SRD5A2: variants seen among roughly 807,000 people sequenced by gnomAD.
SRD5A2 encodes steroid 5 alpha-reductase 2.
In SRD5A2, 30 loss-of-function variants were observed where a neutral mutation model predicts 27.4. The ratio of observed to expected loss-of-function variants is 1.10; its 90% CI spans 0.82 to 1.49. The LOEUF (loss-of-function observed/expected upper bound fraction) is 1.49. SRD5A2 is among the 40% of genes most tolerant of loss of function. SRD5A2 has a pLI of 0.00. For synonymous variants in SRD5A2, 141 were observed against 133.6 expected, an observed-to-expected ratio of 1.06 and a Z score of -0.38; for missense variants, 348 against 323.4, an observed-to-expected ratio of 1.08 and a Z score of -0.58.
the SRD5A2 span, among the ~76,000 whole-genome samples, chr2:31,630,979 A>C: frequency 6.6e-6 from 1 of 152,180 alleles, no homozygotes; most frequent in African/African-American, 2.4e-5. Context: ...AGTTAGGAGA[A>C]TTGCCTAATA....
the SRD5A2 span, among the ~76,000 whole-genome samples, chr2:31,633,008 G>A: frequency 1.3e-5 from 2 of 152,170 alleles, no homozygotes; most frequent in East Asian, 1.9e-4. Flanking sequence ...ACCTAAAGAG[G>A]TGGCAGTCTT....
the SRD5A2 span, among the ~76,000 whole-genome samples, chr2:31,601,449 C>G: frequency 6.6e-6 from 1 of 151,812 alleles, no homozygotes; most frequent in Non-Finnish European, 1.5e-5. Flanking sequence ...AAAAAATGCC[C>G]AGGCCAGACA....
chr2:31,525,020 A>AT lies in SRD5A2; in HGVS notation c.*1175dup, dbSNP rs1308307106. 1 of 215,192 alleles carries AT rather than the reference A, an allele frequency of 4.6e-6. No individual in the cohort carries two copies. The highest frequency in any genetic ancestry group is 9.3e-6 in the Non-Finnish European group (1 of 107,016). 13.3% of individuals were successfully genotyped at this position (215,192 alleles called of 1,614,324 possible). A position where few individuals can be genotyped will look rare whatever the true frequency, so the allele number is the denominator to read the frequency against. On this transcript the variant is annotated 3_prime_UTR_variant, in exon 5 of 5. Transcript: ENST00000622030. ...TAGAGTTTTATGAAGGAATCTCCTG[A>AT]TTTTTAAGTTTTTGAAACTTTGTAA...
the SRD5A2 span, among the ~76,000 whole-genome samples, chr2:31,658,741 C>CA: frequency 1.3e-5 from 2 of 151,762 alleles, no homozygotes; most frequent in African/African-American, 4.8e-5. Flanking sequence ...CCTACCAACC[C>CA]AAAAAAAGTT....
chr2:31,537,906 G>A (rs939594211), intron 1 of SRD5A2, among the ~76,000 whole-genome samples: 1 of 152,124 alleles, frequency 6.6e-6, no homozygotes, highest in Non-Finnish European at 1.5e-5. Context: ...TCCTCCACGT[G>A]AGAATACACC....
At chr2:31,626,062 G>C in the SRD5A2 span, among the ~76,000 whole-genome samples, 1 of 152,160 alleles carries the variant, frequency 6.6e-6, no homozygotes, top group Non-Finnish European at 1.5e-5. Flanking sequence ...AGTTCTCCTT[G>C]AAGAAGTTCT....
In SRD5A2 at chr2:31,533,335, A is replaced by T. The variant is rs1255918863; in HGVS notation, c.445+268T>A. 2.6e-5 allele frequency among the ~76,000 whole-genome samples: 4 copies of T among 152,182 alleles called. No individual in the cohort carries two copies. The East Asian group carries it at 5.8e-4, about 22-fold the overall frequency. ...TTGGGAAATTGAAAAGACCAAGAAT[A>T]TTTAGGATTTAAAGGCAGTGGGAAG... On this transcript the variant is annotated intron_variant, in intron 2 of 4. Transcript: ENST00000622030.
intron 1 of SRD5A2, among the ~76,000 whole-genome samples, chr2:31,539,207 A>C (rs771765443): frequency 1.3e-5 from 2 of 152,236 alleles, no homozygotes; most frequent in Admixed American, 6.5e-5. Context: ...GATTTGAAGA[A>C]AAACAAAGCA....
At chr2:31,595,808 A>C in the SRD5A2 span, among the ~76,000 whole-genome samples, 1 of 152,184 alleles carries the variant, frequency 6.6e-6, no homozygotes, top group Non-Finnish European at 1.5e-5. Flanking sequence ...ATCTTCAACA[A>C]AATACTAGCC....
intron 1 of SRD5A2, among the ~76,000 whole-genome samples, chr2:31,578,598 T>C (rs774731545): frequency 2.6e-5 from 4 of 152,032 alleles, no homozygotes; most frequent in Non-Finnish European, 5.9e-5. Context: ...AAAGAAAGAA[T>C]TCAAAAAAGA....
chr2:31,563,750 T>C (rs972069503), intron 1 of SRD5A2, among the ~76,000 whole-genome samples: 2 of 152,048 alleles, frequency 1.3e-5, no homozygotes, highest in Non-Finnish European at 2.9e-5. Context: ...AAGGGAACAG[T>C]ATCCAGTGAT....
intron 1 of SRD5A2, among the ~76,000 whole-genome samples, chr2:31,553,122 T>A (rs1666414648): frequency 6.6e-6 from 1 of 152,138 alleles, no homozygotes. Flanking sequence ...GGAATCTAAT[T>A]GCTGAAAGAA....
the SRD5A2 span, among the ~76,000 whole-genome samples, chr2:31,599,482 AC>A: frequency 6.6e-6 from 1 of 152,070 alleles, no homozygotes; most frequent in African/African-American, 2.4e-5. Flanking sequence ...ATGTAATAAA[AC>A]TAGAAATCAG....
the SRD5A2 span, among the ~76,000 whole-genome samples, chr2:31,654,271 CA>C: frequency 6.6e-6 from 1 of 152,160 alleles, no homozygotes; most frequent in African/African-American, 2.4e-5. Flanking sequence ...AAGAGCCCAG[CA>C]GTTGCATATC....
intron 1 of SRD5A2, among the ~76,000 whole-genome samples, chr2:31,579,039 C>A (rs533205425): frequency 6.6e-6 from 1 of 152,310 alleles, no homozygotes; most frequent in African/African-American, 2.4e-5. Flanking sequence ...TCTCTTATCT[C>A]CTGTATCCAA....
At chr2:31,543,785 G>A (rs1392613414) in intron 1 of SRD5A2, among the ~76,000 whole-genome samples, 2 of 152,088 alleles carry the variant, frequency 1.3e-5, no homozygotes, top group Non-Finnish European at 2.9e-5. Flanking sequence ...AACAAGGGAT[G>A]GGGAGTTATA....
chr2:31,616,308 G>A, the SRD5A2 span, among the ~76,000 whole-genome samples: 1 of 152,154 alleles, frequency 6.6e-6, no homozygotes, highest in Admixed American at 6.5e-5. Context: ...GCTGTGAGAA[G>A]AGGGCCACCA....
the SRD5A2 span, among the ~76,000 whole-genome samples, chr2:31,642,274 C>T: frequency 6.6e-6 from 1 of 151,988 alleles, no homozygotes; most frequent in Non-Finnish European, 1.5e-5. Flanking sequence ...AAATTTAAAA[C>T]CTGAAACTGT....
At position 31,523,219 on chromosome 2, in the gene SRD5A2, T is replaced by C. The variant is rs1240017784; in HGVS notation, c.*2977A>G. 3 of 215,392 alleles carry C rather than the reference T, an allele frequency of 1.4e-5. No homozygotes were observed. Among genetic ancestry groups the C allele is most frequent in the Non-Finnish European group, 2.8e-5 (3 of 106,926 alleles). 13.3% of individuals were successfully genotyped at this position (215,392 alleles called of 1,614,324 possible). A position where few individuals can be genotyped will look rare whatever the true frequency, so the allele number is the denominator to read the frequency against. The stretch of plus-strand genomic sequence containing the variant: ...AAAACTCTCTATTCTGTCAAATAGG[T>C]TTATGAAAGGGCATGAGCCTGGTGC... On this transcript the variant is annotated 3_prime_UTR_variant, in exon 5 of 5. Coordinates refer to ENST00000622030, the MANE Select transcript of SRD5A2 (RefSeq NM_000348.4).
Sources: gnomAD v4.1 joint callset for allele counts (sites outside exome capture counted in the v4.1 genomes callset) on GRCh38, gnomAD v4.1.1 for gene constraint, MANE v1.5 for transcripts, NCBI Gene and HGNC (gene_info 2026-07-23, HGNC 2026-07-21) for gene names.